CERT1: variants seen among roughly 807,000 people sequenced by gnomAD.
CERT1 encodes the protein ceramide transporter 1, also known as ceramide transfer protein.
In CERT1, 31 loss-of-function variants were observed where a neutral mutation model predicts 87.9. That is an observed-to-expected ratio of 0.35 (90% CI 0.27 to 0.48). CERT1 has a LOEUF of 0.48. Among genes scored for constraint, CERT1 ranks in the 20% least tolerant of loss-of-function variants. The pLI is 0.99. For missense variants in CERT1, 487 were observed against 758.0 expected (o/e 0.64, Z 4.20); for synonymous variants, 289 against 250.9 (o/e 1.15, Z -1.44).
At chr5:75,424,794 T>C (rs1305364210) in intron 5 of CERT1, among the ~76,000 whole-genome samples, 1 of 152,132 alleles carries the variant, frequency 6.6e-6, no homozygotes, top group African/African-American at 2.4e-5. Flanking sequence ...ATAGATATCA[T>C]TTTTTAATGG....
chr5:75,510,178 C>T (rs1319003885), intron 1 of CERT1, among the ~76,000 whole-genome samples: 4 of 152,078 alleles, frequency 2.6e-5, no homozygotes, highest in Non-Finnish European at 5.9e-5. Flanking sequence ...GAGGGACTGG[C>T]CCAGCTCCCC....
At chr5:75,476,254 AT>A (rs1561289799) in intron 2 of CERT1, among the ~76,000 whole-genome samples, 2 of 152,170 alleles carry the variant, frequency 1.3e-5, no homozygotes, top group Non-Finnish European at 2.9e-5. Context: ...CTTGATTCCA[AT>A]TTGTAACACT....
chr5:75,376,667 AAGAG>A (rs1488514961), downstream of CERT1: 2 of 152,210 alleles, frequency 1.3e-5, no homozygotes, highest in African/African-American at 4.8e-5. Context: ...CTTGTGCTTG[AAGAG>A]AGAATCCCTA....
At chr5:75,388,541 ACTC>A (rs1761891594) in intron 12 of CERT1, among the ~76,000 whole-genome samples, 1 of 145,202 alleles carries the variant, frequency 6.9e-6, no homozygotes, top group Admixed American at 7.1e-5. Context: ...TTTCTCCACC[ACTC>A]ATCTGTACTC....
chr5:75,384,598 G>T (rs751703236), intron 14 of CERT1, 44 bp downstream of exon 14: 5 of 1,361,688 alleles, frequency 3.7e-6, no homozygotes, highest in South Asian at 2.4e-5. Flanking sequence ...GTCTGAGTTT[G>T]AACTACATTG....
downstream of CERT1, chr5:75,376,280 CA>C (rs1344230488): frequency 2.0e-5 from 3 of 152,190 alleles, no homozygotes; most frequent in Non-Finnish European, 2.9e-5. Flanking sequence ...TGCTTTAATA[CA>C]AAGTTGTATT....
chr5:75,392,781 A>G (rs1762077950), intron 11 of CERT1, among the ~76,000 whole-genome samples: 1 of 151,908 alleles, frequency 6.6e-6, no homozygotes. Context: ...CATCCTGCCT[A>G]ACATGGTAAA....
At chr5:75,487,024 A>T (rs1398093411) in intron 2 of CERT1, among the ~76,000 whole-genome samples, 2 of 152,148 alleles carry the variant, frequency 1.3e-5, no homozygotes, top group Non-Finnish European at 2.9e-5. Flanking sequence ...AGAATAGCCA[A>T]AGATATCCTA....
chr5:75,510,798 G>A (rs1394838816), intron 1 of CERT1, among the ~76,000 whole-genome samples: 1 of 152,114 alleles, frequency 6.6e-6, no homozygotes, highest in Non-Finnish European at 1.5e-5. Context: ...GGACACCGCT[G>A]AAGCCCAACC....
At position 75,511,444 on chromosome 5, in the gene CERT1, C is replaced by A. The variant is rs866911687; in HGVS notation, c.-237G>T. 1.3e-6 allele frequency: 2 copies of A among 1,527,428 alleles called. No individual in the cohort carries two copies. Among genetic ancestry groups the A allele is most frequent in the South Asian group, 2.4e-5 (2 of 82,204 alleles). The allele number at this position is 1,527,428 out of a possible 1,614,324, so 94.6% of individuals were successfully genotyped here. ...GGAAGCCTACCCTTCCAGCCGTCAGCCGCCGCCGCCGTCGCCGTGACCCCT... is the reference window on the plus strand; with the variant it reads ...GGAAGCCTACCCTTCCAGCCGTCAGACGCCGCCGCCGTCGCCGTGACCCCT... On this transcript the variant is annotated 5_prime_UTR_variant, in exon 1 of 17. Coordinates refer to ENST00000643780, the MANE Select transcript of CERT1 (RefSeq NM_001379029.1).
chr5:75,411,815 G>A (rs1254708259), intron 7 of CERT1, among the ~76,000 whole-genome samples: 1 of 152,144 alleles, frequency 6.6e-6, no homozygotes, highest in Non-Finnish European at 1.5e-5. Context: ...TTGGTATGAA[G>A]AAAAACAGCA....
chr5:75,409,831 G>GTTT (rs150553834), intron 8 of CERT1, among the ~76,000 whole-genome samples: 28 of 137,876 alleles, frequency 2.0e-4, no homozygotes, highest in South Asian at 4.7e-4. Flanking sequence ...TGGCCAACAC[G>GTTT]TTTTTTTTTT....
At chr5:75,451,033 T>C (rs1433853345) in intron 3 of CERT1, among the ~76,000 whole-genome samples, 1 of 152,164 alleles carries the variant, frequency 6.6e-6, no homozygotes, top group Non-Finnish European at 1.5e-5. Flanking sequence ...CTGACAAATA[T>C]GAAGTTACTT....
At chr5:75,499,849 T>G (rs940313399) in intron 2 of CERT1, among the ~76,000 whole-genome samples, 2 of 152,226 alleles carry the variant, frequency 1.3e-5, no homozygotes, top group African/African-American at 4.8e-5. Flanking sequence ...ACAGATACTT[T>G]GTGTTACGGG....
At chr5:75,486,281 T>C (rs1487483808) in intron 2 of CERT1, among the ~76,000 whole-genome samples, 1 of 151,952 alleles carries the variant, frequency 6.6e-6, no homozygotes. Flanking sequence ...CTGAGAAAAC[T>C]GATAAAATTC....
At chr5:75,495,780 T>C (rs773113936) in intron 2 of CERT1, among the ~76,000 whole-genome samples, 2 of 151,794 alleles carry the variant, frequency 1.3e-5, no homozygotes, top group Non-Finnish European at 1.5e-5. Flanking sequence ...ACACAAAACA[T>C]AGAAAAAAGT....
At position 75,506,777 on chromosome 5, in the gene CERT1, A is replaced by G. The variant is rs1290694080; in HGVS notation, c.97-661T>C. 2.6e-5 allele frequency among the ~76,000 whole-genome samples: 4 copies of G among 152,330 alleles called. No individual in the cohort carries two copies. In the East Asian group the frequency reaches 7.7e-4, roughly 29 times the overall value. ...TCTGAACATGCATTTTTCAAACTCA[A>G]GAGTAATAAAACAAAAATAAAATTG... On this transcript the variant is annotated intron_variant, in intron 1 of 16. Coordinates refer to ENST00000643780, the MANE Select transcript of CERT1 (RefSeq NM_001379029.1).
intron 14 of CERT1, 34 bp from the exon 15 acceptor site, chr5:75,382,111 T>C (rs1022995380): frequency 1.2e-5 from 19 of 1,598,906 alleles, no homozygotes; most frequent in Admixed American, 3.5e-5. Context: ...GAAAAACAGA[T>C]CTAACATGGA....
intron 2 of CERT1, among the ~76,000 whole-genome samples, chr5:75,478,909 T>TAAAAAAAAAAAAAAAA (rs11438163): frequency 1.8e-4 from 4 of 21,748 alleles, no homozygotes; most frequent in Admixed American, 7.9e-4. Flanking sequence ...AAGTAAGTAC[T>TAAAAAAAAAAAAAAAA]AAAAAAAAAA....
Sources: allele counts gnomAD v4.1 joint callset (sites outside exome capture counted in the v4.1 genomes callset), GRCh38; gene constraint gnomAD v4.1.1; transcripts MANE v1.5; gene names NCBI Gene and HGNC (gene_info 2026-07-23, HGNC 2026-07-21).